The following MYO15A variants were observed in gnomAD, a reference collection of about 807,000 sequenced individuals.
The protein encoded by MYO15A is unconventional myosin-XV.
A neutral mutation model predicts 394.6 loss-of-function variants in MYO15A; 308 were observed. The ratio of observed to expected loss-of-function variants is 0.78; its 90% CI spans 0.71 to 0.86. The LOEUF (loss-of-function observed/expected upper bound fraction) is 0.86. Among genes scored for constraint, MYO15A ranks in the 40% least tolerant of loss-of-function variants. The probability of loss-of-function intolerance (pLI) is 0.00; values close to 1 mark genes in which losing one functional copy is unlikely to be tolerated. For missense variants in MYO15A, 4,606 were observed against 4,799.1 expected, an observed-to-expected ratio of 0.96 and a Z score of 1.19; for synonymous variants, 1,957 against 2,003.8, an observed-to-expected ratio of 0.98 and a Z score of 0.62.
rs1053051442 is a variant in MYO15A, at chr17:18,142,146, C to T, written c.5717C>T (p.Ala1906Val). Residue 1906 changes from alanine to valine, a missense_variant, in exon 24 of 66, where the codon GCC becomes GTC. Around this residue, in one of 2 missense-constraint regions of MYO15A, gnomAD observed 2,776 missense variants for 3,109.3 expected, o/e 0.89. Coordinates refer to ENST00000647165, the MANE Select transcript of MYO15A (RefSeq NM_016239.4). The part of the protein sequence containing the change: ...SMREHVLNLA[A>V]LTLQRCLRGF... ...CGAGAGCATGTCCTGAATCTGGCAG[C>T]CCTCACTCTGCAGCGCTGCCTCCGT... The T allele has an allele frequency of 6.2e-7, 1 of 1,613,776 alleles. No homozygotes were observed. Among genetic ancestry groups the T allele is most frequent in the Non-Finnish European group, 8.5e-7 (1 of 1,180,050 alleles).
At chr17:18,169,136 TAATAATAATAATAATAATAATAAA>T (rs1315688290) in intron 62 of MYO15A, among the ~76,000 whole-genome samples, 2 of 133,042 alleles carry the variant, frequency 1.5e-5, no homozygotes, top group Non-Finnish European at 3.2e-5. Context: ...ATAATAATAA[TAATAATAATAATAATAATAATAAA>T]AATAGGCTGG....
rs2046873557 is a variant in MYO15A at position 18,167,649 on chromosome 17, G to T, written c.10008G>T (p.Glu3336Asp). 1 of 1,604,128 alleles carries T rather than the reference G, an allele frequency of 6.2e-7. No individual in the cohort carries two copies. The highest frequency in any genetic ancestry group is 1.1e-5 in the South Asian group (1 of 91,092). ...FSSVPASRPS[E>D]QLLQQVSKLA... ...GTGTGCCGGCCAGCCGGCCCAGCGA[G>T]CAGCTGCTGCAGCAGGTGTCCAAGC... Residue 3336 changes from glutamate to aspartate, a missense_variant, in exon 62 of 66, where the codon GAG becomes GAT. By Grantham distance (45) the Glu-to-Asp change is conservative. Transcript: ENST00000647165.
rs1213311182 is a variant in MYO15A at position 18,120,935 on chromosome 17, C to A, written c.2135C>A (p.Pro712Gln). ...PPWAAPAHVP[P>Q]APQASWWAFV... ...TGGGCCGCCCCAGCGCACGTGCCACCGGCGCCGCAGGCCAGCTGGTGGGCC... is the reference window on the plus strand; with the variant it reads ...TGGGCCGCCCCAGCGCACGTGCCACAGGCGCCGCAGGCCAGCTGGTGGGCC... The change falls in exon 2 of 66, where the codon CCG becomes CAG. Residue 712 changes from proline to glutamine, a missense_variant. Pro to Gln is a moderately conservative substitution (Grantham distance 76). This residue lies in a region of MYO15A where 1,830 missense variants were observed against 1,689.7 expected (regional missense o/e 1.08). Coordinates refer to ENST00000647165, the MANE Select transcript of MYO15A (RefSeq NM_016239.4). The A allele has an allele frequency of 1.1e-5, 16 of 1,470,482 alleles. No individual in the cohort carries two copies. Among genetic ancestry groups the A allele is most frequent in the Admixed American group, 2.3e-5 (1 of 43,058 alleles). The allele number at this position is 1,470,482 out of a possible 1,614,324, so 91.1% of individuals were successfully genotyped here.
Position 18,148,815 on chromosome 17 carries a change from G to A in MYO15A, c.6819G>A (p.Gln2273=). 6.2e-7 allele frequency: 1 copy of A among 1,606,218 alleles called. No homozygotes were observed. Among genetic ancestry groups the A allele is most frequent in the East Asian group, 2.2e-5 (1 of 44,560 alleles). Residue 2273 remains glutamine (Q), a synonymous_variant, in exon 33 of 66, where the codon CAG becomes CAA. Coordinates refer to ENST00000647165, the MANE Select transcript of MYO15A (RefSeq NM_016239.4). The surrounding 1 kb of genome is among the most constrained non-coding windows in gnomAD (Gnocchi z 4.8). ...GWTVAMKNGV[Q]WAELAGHDYV... The stretch of plus-strand genomic sequence containing the variant: ...CCGTGGCCATGAAGAATGGTGTCCA[G>A]TGGGCAGAGCTGGCTGGCCACGACT...
chr17:18,124,531 G>A lies in MYO15A; in HGVS notation c.3658G>A (p.Gly1220Arg), dbSNP rs146754758. 1,378 of 1,613,198 alleles carry A rather than the reference G, an allele frequency of 8.5e-4. 19 individuals carry two copies. The East Asian group carries it at 0.024, about 28-fold the overall frequency. Residue 1220 changes from glycine to arginine, a missense_variant, in exon 3 of 66, where the codon GGG (glycine) becomes AGG (arginine). This residue lies in a region of MYO15A where 2,776 missense variants were observed against 3,109.3 expected (regional missense o/e 0.89). Transcript: ENST00000647165. Reference protein sequence around the residue: ...LPSMRFREQHGEDGVEDMTQL... With the variant: ...LPSMRFREQHREDGVEDMTQL... ...ATCCATGCGGTTCCGTGAGCAGCAC[G>A]GGGAGGATGGTGTGGAGGACATGAC... is the stretch of plus-strand genomic sequence containing the variant.
At chr17:18,159,087 C>T (rs1448747544) in intron 53 of MYO15A, 90 bp downstream of exon 53, 5 of 1,443,928 alleles carry the variant, frequency 3.5e-6, no homozygotes, top group Non-Finnish European at 4.8e-6. Flanking sequence ...AACTTGTTCT[C>T]AGTGAGACCC....
In MYO15A at chr17:18,172,207, A is replaced by G. The variant is rs2046952612; in HGVS notation, c.10267A>G (p.Ser3423Gly). ...CGGCTCCTCCTTCTTCTTCATCCAG[A>G]GCTGCAGCAACATTGCTGTGCCAGC... ...MFGSSFFFIQ[S>G]CSNIAVPAPC... is the part of the protein sequence containing the mutation. The change falls in exon 64 of 66, where the codon AGC (serine) becomes GGC (glycine). Residue 3423 changes from serine (S) to glycine (G), a missense_variant. Physicochemically the swap from Ser to Gly is moderately conservative, Grantham distance 56. This residue lies in a region of MYO15A where 2,776 missense variants were observed against 3,109.3 expected (regional missense o/e 0.89). Coordinates refer to ENST00000647165, the MANE Select transcript of MYO15A (RefSeq NM_016239.4). 1 of 1,614,044 alleles carries G rather than the reference A, an allele frequency of 6.2e-7. No individual in the cohort carries two copies. The highest frequency in any genetic ancestry group is 1.3e-5 in the African/African-American group (1 of 74,908).
chr17:18,129,761 G>A (rs761767854), intron 7 of MYO15A, among the ~76,000 whole-genome samples: 8 of 152,202 alleles, frequency 5.3e-5, no homozygotes, highest in Non-Finnish European at 8.8e-5. Context: ...TGTTAACAAC[G>A]GCATTATCAG....
intron 7 of MYO15A, among the ~76,000 whole-genome samples, chr17:18,127,834 GATATATATATATAT>G (rs55650584): frequency 4.6e-5 from 6 of 131,082 alleles, no homozygotes; most frequent in Non-Finnish European, 9.5e-5. Flanking sequence ...GAAAAAAAAA[GATATATATATATAT>G]ATATATATAT....
Position 18,126,372 on chromosome 17 carries a change from C to T in MYO15A, c.3782C>T (p.Ser1261Leu), listed in dbSNP as rs768180956. 2.5e-5 allele frequency: 40 copies of T among 1,613,782 alleles called. No individual in the cohort carries two copies. In the African/African-American group the frequency reaches 2.9e-4, roughly 12 times the overall value. The stretch of plus-strand genomic sequence containing the variant: ...ACATACATTGGGAGCATCCTGGTGT[C>T]GGTGAACCCATACCAAATGTTTGGA... ...IYTYIGSILV[S>L]VNPYQMFGIY... Residue 1261 changes from serine to leucine, a missense_variant, in exon 5 of 66, where the codon TCG becomes TTG. Around this residue, in one of 2 missense-constraint regions of MYO15A, gnomAD observed 2,776 missense variants for 3,109.3 expected, o/e 0.89. Coordinates refer to ENST00000647165, the MANE Select transcript of MYO15A (RefSeq NM_016239.4).
intron 7 of MYO15A, among the ~76,000 whole-genome samples, chr17:18,127,990 G>T (rs1171640839): frequency 2.0e-5 from 3 of 151,876 alleles, no homozygotes; most frequent in African/African-American, 7.3e-5. Context: ...AGGCTGTACT[G>T]AGAAGACAAG....
At chr17:18,167,781 C>T (rs1460165963) in intron 62 of MYO15A, 58 bp downstream of exon 62, 7 of 1,596,210 alleles carry the variant, frequency 4.4e-6, no homozygotes, top group East Asian at 2.2e-5. Flanking sequence ...CCCTCTCAGC[C>T]CACCTCCACC....
At chr17:18,138,755 C>T in intron 17 of MYO15A, 56 bp from the exon 18 acceptor site, 2 of 1,604,904 alleles carry the variant, frequency 1.2e-6, no homozygotes, top group South Asian at 1.1e-5. Context: ...GCCACCAGGC[C>T]AGGAACAGGG....
intron 64 of MYO15A, chr17:18,172,554 G>A (rs937083140): frequency 1.5e-5 from 8 of 528,594 alleles, no homozygotes; most frequent in Admixed American, 3.1e-5. Context: ...ACATCTGTGT[G>A]CTTAGGCTGC....
In MYO15A at chr17:18,147,212, A is replaced by G. The variant is rs79373754; in HGVS notation, c.6510-817A>G. Reference sequence around the variant, plus strand: ...CCTGTTTCTTCCCTATAATTTGGGGATGGCAACAGAACCCACCTAACAGGG... The same window carrying G: ...CCTGTTTCTTCCCTATAATTTGGGGGTGGCAACAGAACCCACCTAACAGGG... On this transcript the variant is annotated intron_variant, in intron 30 of 65. Transcript: ENST00000647165. This position sits in a 1 kb window ranked among gnomAD's most constrained non-coding sequence, Gnocchi z 4.4. Among the ~76,000 whole-genome samples the G allele has an allele frequency of 8.6e-3, 1,309 of 152,260 alleles. 37 individuals are homozygous for G. The South Asian group carries it at 0.1, about 12-fold the overall frequency.
chr17:18,136,708 A>AG, intron 15 of MYO15A, 22 bp downstream of exon 15: 1 of 1,578,240 alleles, frequency 6.3e-7, no homozygotes, highest in Non-Finnish European at 8.6e-7. Flanking sequence ...TAGGAGGCTG[A>AG]GGGGCGGGGG....
At chr17:18,138,019 T>C (rs1000603760) in intron 16 of MYO15A, 96 bp from the exon 17 acceptor site, 9 of 1,442,720 alleles carry the variant, frequency 6.2e-6, no homozygotes, top group Non-Finnish European at 1.8e-6. Context: ...GCAGAGGTGC[T>C]GCTGGCCAGG....
chr17:18,111,790 A>G (rs893605179), intron 1 of MYO15A, among the ~76,000 whole-genome samples: 2 of 152,212 alleles, frequency 1.3e-5, no homozygotes, highest in Non-Finnish European at 2.9e-5. Context: ...CAGGCCAGCC[A>G]CTGTGCCCAG....
chr17:18,131,555 C>G, intron 10 of MYO15A, 24 bp downstream of exon 10: 1 of 1,613,692 alleles, frequency 6.2e-7, no homozygotes, highest in Non-Finnish European at 8.5e-7. Flanking sequence ...TCCCAGGCCT[C>G]TGTGTTGGGC....
Sources: gnomAD v4.1 joint callset for allele counts (sites outside exome capture counted in the v4.1 genomes callset) on GRCh38, gnomAD v4.1.1 for gene constraint, gnomAD v4.1.1 regional missense constraint, Gnocchi (gnomAD v3.1) non-coding constraint, MANE v1.5 for transcripts, NCBI Gene and HGNC (gene_info 2026-07-23, HGNC 2026-07-21) for gene names.